Variants in ZNF518A observed in about 807,000 individuals in gnomAD.
ZNF518A encodes the protein zinc finger protein 518A, also known as zinc finger protein 518.
A neutral mutation model predicts 102.7 loss-of-function variants in ZNF518A; 47 were observed. The ratio of observed to expected loss-of-function variants is 0.46; its 90% CI spans 0.36 to 0.58. The LOEUF (loss-of-function observed/expected upper bound fraction) is 0.58. ZNF518A is among the 20% of genes least tolerant of loss of function. The probability of loss-of-function intolerance (pLI) is 0.00; values close to 1 mark genes in which losing one functional copy is unlikely to be tolerated. For missense variants in ZNF518A, 1,793 were observed against 1,699.8 expected (o/e 1.05, Z -0.96); for synonymous variants, 652 against 594.6 (o/e 1.10, Z -1.40).
chr10:96,195,048 C>T (rs1006325271), intron 1 of ZNF518A, among the ~76,000 whole-genome samples: 1 of 151,986 alleles, frequency 6.6e-6, no homozygotes, highest in Non-Finnish European at 1.5e-5. Flanking sequence ...GGATTACAGG[C>T]GTGAGCCACC....
intron 1 of ZNF518A, chr10:96,189,486 G>C: frequency 1.6e-6 from 1 of 633,392 alleles, no homozygotes. Flanking sequence ...TTCTATACTT[G>C]CTTGCATTTT....
exon 3 of ZNF518A, chr10:96,204,071 G>T (rs1554896837): frequency 6.2e-7 from 1 of 1,613,812 alleles, no homozygotes; most frequent in South Asian, 1.1e-5. Context: ...CAGAGGTATG[G>T]GTTTTTGGTG....
intron 1 of ZNF518A, among the ~76,000 whole-genome samples, chr10:96,197,921 AAAAG>A (rs1325091331): frequency 2.0e-5 from 3 of 151,362 alleles, no homozygotes; most frequent in East Asian, 1.9e-4. Context: ...ATCAAAAAAA[AAAAG>A]AAAGAAAAAG....
In ZNF518A at chr10:96,163,230, ACTT is replaced by A. The variant is rs1440289027; in HGVS notation, c.*2457_*2459del. On this transcript the variant is annotated 3_prime_UTR_variant, in exon 6 of 6. Coordinates refer to ENST00000316045, the MANE Select transcript of ZNF518A (RefSeq NM_001330736.2). ...GTTGGAACTTTTTCTGATTTTGTTAACTTAAGTTATTCTGAGGGAGGCAGACCT... is the reference window on the plus strand; with the variant it reads ...GTTGGAACTTTTTCTGATTTTGTTAAAAGTTATTCTGAGGGAGGCAGACCT... The A allele has an allele frequency of 4.8e-5, 8 of 166,798 alleles. No homozygotes were observed. Among genetic ancestry groups the A allele is most frequent in the African/African-American group, 1.9e-4 (8 of 41,402 alleles). The allele number at this position is 166,798 out of a possible 1,614,324, so 10.3% of individuals were successfully genotyped here.
chr10:96,137,125 T>C (rs1255601910), intron 3 of ZNF518A, among the ~76,000 whole-genome samples: 1 of 152,250 alleles, frequency 6.6e-6, no homozygotes, highest in Non-Finnish European at 1.5e-5. Context: ...AGCATCTTTA[T>C]TTATCCTCCC....
intron 3 of ZNF518A, among the ~76,000 whole-genome samples, chr10:96,136,231 A>G (rs2081590715): frequency 6.6e-6 from 1 of 151,968 alleles, no homozygotes; most frequent in African/African-American, 2.4e-5. Context: ...TGTGAATTAA[A>G]TGTGATGAAA....
At chr10:96,145,090 G>A (rs2133413797) in intron 3 of ZNF518A, among the ~76,000 whole-genome samples, 1 of 18,874 alleles carries the variant, frequency 5.3e-5, no homozygotes, top group East Asian at 3.4e-3. Context: ...TTGTTGTTAA[G>A]ATGGAGTCTC....
At chr10:96,204,807 T>G, downstream of ZNF518A, 1 of 592,512 alleles carries the variant, frequency 1.7e-6, no homozygotes, top group Non-Finnish European at 3.1e-6. Flanking sequence ...GGACCAGGAC[T>G]CCCTCCCAGC....
intron 1 of ZNF518A, among the ~76,000 whole-genome samples, chr10:96,186,427 C>A (rs1044353337): frequency 2.6e-5 from 4 of 151,900 alleles, no homozygotes; most frequent in Admixed American, 1.3e-4. Flanking sequence ...TTGACGGAGT[C>A]TCTCTCTGTC....
chr10:96,158,492 A>C lies in ZNF518A; in HGVS notation c.2170A>C (p.Lys724Gln). The C allele has an allele frequency of 6.2e-7, 1 of 1,612,620 alleles. No homozygotes were observed. The highest frequency in any genetic ancestry group is 8.5e-7 in the Non-Finnish European group (1 of 1,179,544). Residue 724 changes from lysine (K) to glutamine (Q), a missense_variant, in exon 6 of 6, where the codon AAA (lysine) becomes CAA (glutamine). Transcript: ENST00000316045. ...SEIEEQYVLE[K>Q]GQNIDGQNLY... ...AATTGAAGAACAGTATGTTTTAGAA[A>C]AAGGACAAAACATTGATGGACAAAA... is the stretch of plus-strand genomic sequence containing the variant.
At chr10:96,179,490 T>A (rs2083225744) in intron 1 of ZNF518A, among the ~76,000 whole-genome samples, 1 of 152,192 alleles carries the variant, frequency 6.6e-6, no homozygotes, top group Admixed American at 6.5e-5. Flanking sequence ...GATTAGGGTG[T>A]GAAGCAACTG....
Position 96,160,295 on chromosome 10 carries a change from A to G in ZNF518A, c.3973A>G (p.Arg1325Gly). The stretch of plus-strand genomic sequence containing the variant: ...ACCTAGGCTTTCAAAAGATTCCATC[A>G]GAACTTTGCGGCTTTTCCCTTTTAG... ...SRPRLSKDSI[R>G]TLRLFPFSSK... is the part of the protein sequence containing the mutation. Residue 1325 changes from arginine to glycine, a missense_variant, in exon 6 of 6, where the codon AGA becomes GGA. This residue lies in a region of ZNF518A where 1,741 missense variants were observed against 1,622.6 expected (regional missense o/e 1.07). Transcript: ENST00000316045. The G allele has an allele frequency of 6.2e-7, 1 of 1,613,702 alleles. No homozygotes were observed. The highest frequency in any genetic ancestry group is 8.5e-7 in the Non-Finnish European group (1 of 1,179,714).
At chr10:96,151,882 G>C (rs2082466332) in intron 3 of ZNF518A, among the ~76,000 whole-genome samples, 1 of 152,190 alleles carries the variant, frequency 6.6e-6, no homozygotes, top group East Asian at 1.9e-4. Flanking sequence ...CAGTTGCCAT[G>C]TTCATATAGG....
In ZNF518A at chr10:96,158,157, G is replaced by A. The variant is rs1731073121; in HGVS notation, c.1835G>A (p.Ser612Asn). ...GTTGCCAAACCAAATGCATACAACA[G>A]TGGAGATATGCATAATTATTGCATT... Reference protein sequence around the residue: ...NCVAKPNAYNSGDMHNYCINY... With the variant: ...NCVAKPNAYNNGDMHNYCINY... Residue 612 changes from serine (S) to asparagine (N), a missense_variant, in exon 6 of 6, where the codon AGT becomes AAT. Coordinates refer to ENST00000316045, the MANE Select transcript of ZNF518A (RefSeq NM_001330736.2). 1 of 1,613,566 alleles carries A rather than the reference G, an allele frequency of 6.2e-7. No homozygotes were observed. The highest frequency in any genetic ancestry group is 1.3e-5 in the African/African-American group (1 of 75,038).
At chr10:96,133,135 A>G (rs1371907843) in intron 2 of ZNF518A, among the ~76,000 whole-genome samples, 1 of 152,182 alleles carries the variant, frequency 6.6e-6, no homozygotes, top group Non-Finnish European at 1.5e-5. Flanking sequence ...ACATTTTATT[A>G]GAAATCCAAA....
In ZNF518A at chr10:96,179,507, C is replaced by T. The variant is rs190134958; in HGVS notation, n.35+23460C>T. ...TTAGGGTGTGAAGCAACTGAACTCT[C>T]ATACATTGCTGATGTCCCCATAGAG... On this transcript the variant is annotated intron_variant and non_coding_transcript_variant, in intron 1 of 2. Transcript: ENST00000442635. 1.7e-3 allele frequency among the ~76,000 whole-genome samples: 255 copies of T among 152,308 alleles called. 1 individual carries two copies. Among genetic ancestry groups the T allele is most frequent in the African/African-American group, 5.2e-3 (217 of 41,580 alleles).
At chr10:96,137,076 C>T (rs887362175) in intron 3 of ZNF518A, among the ~76,000 whole-genome samples, 2 of 152,240 alleles carry the variant, frequency 1.3e-5, no homozygotes, top group Non-Finnish European at 2.9e-5. Context: ...GCCGTCATTT[C>T]ATTCCACAAA....
rs2082895201 is a variant in ZNF518A, at chr10:96,159,579, A to G, written c.3257A>G (p.Asn1086Ser). 6 of 1,613,782 alleles carry G rather than the reference A, an allele frequency of 3.7e-6. No individual in the cohort carries two copies. Among genetic ancestry groups the G allele is most frequent in the African/African-American group, 1.3e-5 (1 of 74,922 alleles). The change falls in exon 6 of 6, where the codon AAT (asparagine) becomes AGT (serine). Residue 1086 changes from asparagine to serine, a missense_variant. Coordinates refer to ENST00000316045, the MANE Select transcript of ZNF518A (RefSeq NM_001330736.2). ...ATCTCCGATTCAGTAAAACAGCAGA[A>G]TGAGATTTTTCCAAAACCACCTCTT... ...LNISDSVKQQ[N>S]EIFPKPPLYT...
At chr10:96,143,048 T>C (rs1178357535) in intron 3 of ZNF518A, among the ~76,000 whole-genome samples, 1 of 152,182 alleles carries the variant, frequency 6.6e-6, no homozygotes, top group Non-Finnish European at 1.5e-5. Flanking sequence ...CCTCAGGTGA[T>C]CCGCCCGCTT....
Sources: gnomAD v4.1 joint callset for allele counts (sites outside exome capture counted in the v4.1 genomes callset) on GRCh38, gnomAD v4.1.1 for gene constraint, gnomAD v4.1.1 regional missense constraint, MANE v1.5 for transcripts, NCBI Gene and HGNC (gene_info 2026-07-23, HGNC 2026-07-21) for gene names.